The following TMEM117 variants were observed in gnomAD, a reference collection of about 807,000 sequenced individuals.
TMEM117 encodes the protein transmembrane protein 117.
TMEM117 carries 27 observed loss-of-function variants against 52.4 expected under a neutral mutation model. The observed-to-expected ratio is 0.51, with a 90% CI of 0.38 to 0.71. The LOEUF (loss-of-function observed/expected upper bound fraction) is 0.71. Ranked by LOEUF, TMEM117 falls within the 30% of genes least tolerant of loss-of-function variation. TMEM117 has a pLI of 0.00. For synonymous variants in TMEM117, 215 were observed against 206.3 expected (o/e 1.04, Z -0.36); for missense variants, 556 against 630.5 (o/e 0.88, Z 1.26).
chr12:43,796,042 A>G, the TMEM117 span, among the ~76,000 whole-genome samples: 4 of 152,196 alleles, frequency 2.6e-5, no homozygotes, highest in Non-Finnish European at 2.9e-5. Context: ...ATGATACACT[A>G]TTTATTCAAG....
chr12:43,845,159 A>AT (rs1943180723), intron 2 of TMEM117, among the ~76,000 whole-genome samples: 2 of 151,602 alleles, frequency 1.3e-5, no homozygotes, highest in Non-Finnish European at 1.5e-5. Flanking sequence ...ACCAAACTTC[A>AT]TTAAAAAAAA....
At position 44,381,813 on chromosome 12, in the gene TMEM117, G is replaced by GT. The variant is rs201746416; in HGVS notation, c.898+5098dup. ...TCTAGCAAATGAGTTCCCAGAGACT[G>GT]TTTTTTTTTAAAGAGCTCTCCTGTA... On this transcript the variant is annotated intron_variant, in intron 7 of 7. Coordinates refer to ENST00000266534, the MANE Select transcript of TMEM117 (RefSeq NM_032256.3). Among the ~76,000 whole-genome samples the GT allele has an allele frequency of 1.8e-3, 266 of 151,234 alleles. 1 individual carries two copies. Among genetic ancestry groups the GT allele is most frequent in the African/African-American group, 3.0e-3 (124 of 41,252 alleles).
chr12:44,054,697 G>GATT (rs112368185), intron 3 of TMEM117, among the ~76,000 whole-genome samples: 24,005 of 149,936 alleles, frequency 0.16, 2,876 homozygotes, highest in African/African-American at 0.34. Context: ...ATACCAATAG[G>GATT]ATTATTTTTT....
intron 5 of TMEM117, among the ~76,000 whole-genome samples, chr12:44,240,321 C>T (rs1250096422): frequency 4.6e-5 from 7 of 152,120 alleles, no homozygotes; most frequent in African/African-American, 1.7e-4. Context: ...AGGAACATGT[C>T]TCTTTCTCCT....
intron 5 of TMEM117, among the ~76,000 whole-genome samples, chr12:44,218,962 C>T (rs1294515500): frequency 6.6e-6 from 1 of 152,170 alleles, no homozygotes; most frequent in Admixed American, 6.5e-5. Flanking sequence ...AGAGCTTGCA[C>T]AGTACTGCAC....
intron 5 of TMEM117, among the ~76,000 whole-genome samples, chr12:44,294,777 C>T (rs1950746674): frequency 6.6e-6 from 1 of 152,088 alleles, no homozygotes; most frequent in Admixed American, 6.5e-5. Flanking sequence ...AGTGTCATAT[C>T]CTGGAAAAAG....
At chr12:43,804,616 T>C in the TMEM117 span, 10 of 1,344,114 alleles carry the variant, frequency 7.4e-6, no homozygotes, top group Non-Finnish European at 1.0e-5. Flanking sequence ...TACTTACATA[T>C]AAATACTTTC....
chr12:44,293,055 C>CT (rs201142777), intron 5 of TMEM117, among the ~76,000 whole-genome samples: 4,228 of 151,274 alleles, frequency 0.028, 83 homozygotes, highest in Admixed American at 0.049. Context: ...ATTGCTGTCT[C>CT]TTTTTTTTCA....
At chr12:44,284,132 G>A (rs1950610385) in intron 5 of TMEM117, among the ~76,000 whole-genome samples, 1 of 152,122 alleles carries the variant, frequency 6.6e-6, no homozygotes, top group African/African-American at 2.4e-5. Context: ...GGCCAACATG[G>A]TGAAACCCCA....
chr12:44,028,007 C>T (rs548881301), intron 3 of TMEM117, among the ~76,000 whole-genome samples: 1 of 152,244 alleles, frequency 6.6e-6, no homozygotes, highest in East Asian at 1.9e-4. Flanking sequence ...AGATAGAGAC[C>T]ATGGTGAAAC....
intron 6 of TMEM117, among the ~76,000 whole-genome samples, chr12:44,371,377 T>C (rs1177187900): frequency 6.6e-6 from 1 of 152,210 alleles, no homozygotes; most frequent in African/African-American, 2.4e-5. Context: ...AAAAAGAAGA[T>C]ATACAAATTA....
chr12:44,150,736 T>C (rs1386904570), intron 4 of TMEM117, among the ~76,000 whole-genome samples: 2 of 152,064 alleles, frequency 1.3e-5, no homozygotes, highest in Non-Finnish European at 2.9e-5. Flanking sequence ...AGCTAAAAAA[T>C]TAATAAGGCA....
intron 4 of TMEM117, among the ~76,000 whole-genome samples, chr12:44,191,761 T>G (rs1270180003): frequency 6.6e-6 from 1 of 152,148 alleles, no homozygotes; most frequent in Non-Finnish European, 1.5e-5. Flanking sequence ...ATCACAATGC[T>G]TAGTGGAGGG....
chr12:44,328,114 T>C (rs1951220769), intron 6 of TMEM117, among the ~76,000 whole-genome samples: 1 of 152,184 alleles, frequency 6.6e-6, no homozygotes, highest in Non-Finnish European at 1.5e-5. Flanking sequence ...TAGCTTTTTC[T>C]CCAGTTGATT....
In TMEM117 at chr12:44,064,090, T is replaced by C. The variant is rs574432384; in HGVS notation, c.411-79435T>C. 2.0e-4 allele frequency among the ~76,000 whole-genome samples: 30 copies of C among 152,126 alleles called. No individual in the cohort carries two copies. In the South Asian group the frequency reaches 5.4e-3, roughly 27 times the overall value. On this transcript the variant is annotated intron_variant, in intron 3 of 7. Coordinates refer to ENST00000266534, the MANE Select transcript of TMEM117 (RefSeq NM_032256.3). Reference sequence around the variant, plus strand: ...AACCAATTCTGGAGAGAGACCTACATCTGGCAGGATCAAAAAAGACAACCA... The same window carrying C: ...AACCAATTCTGGAGAGAGACCTACACCTGGCAGGATCAAAAAAGACAACCA...
intron 3 of TMEM117, among the ~76,000 whole-genome samples, chr12:44,123,996 A>G (rs1033743169): frequency 5.3e-5 from 8 of 152,002 alleles, no homozygotes; most frequent in African/African-American, 1.9e-4. Flanking sequence ...TTTGGGCAGT[A>G]TGGCCATTTT....
At chr12:43,810,583 GGTTT>G in the TMEM117 span, among the ~76,000 whole-genome samples, 2,115 of 152,192 alleles carry the variant, frequency 0.014, 59 homozygotes, top group African/African-American at 0.048. Flanking sequence ...TGCATAGCAG[GGTTT>G]GTTTGTTTTG....
chr12:44,060,541 G>A (rs548509470), intron 3 of TMEM117, among the ~76,000 whole-genome samples: 1 of 152,302 alleles, frequency 6.6e-6, no homozygotes, highest in South Asian at 2.1e-4. Context: ...TGAGAGCTCA[G>A]GAGCCTGTGG....
chr12:43,944,404 A>G, intron 3 of TMEM117, 62 bp downstream of exon 3: 1 of 1,484,514 alleles, frequency 6.7e-7, no homozygotes, highest in Non-Finnish European at 9.2e-7. Context: ...TAAGAATTTA[A>G]GAGTTTTTTA....
Sources: allele counts gnomAD v4.1 joint callset (sites outside exome capture counted in the v4.1 genomes callset), GRCh38; gene constraint gnomAD v4.1.1; transcripts MANE v1.5; gene names NCBI Gene and HGNC (gene_info 2026-07-23, HGNC 2026-07-21).